The following FKBP5 variants were observed in gnomAD, a reference collection of about 807,000 sequenced individuals.
FKBP5 encodes FKBP prolyl isomerase 5, also known as peptidyl-prolyl cis-trans isomerase FKBP5.
FKBP5 carries 23 observed loss-of-function variants against 50.5 expected under a neutral mutation model. That is an observed-to-expected ratio of 0.46 (90% CI 0.33 to 0.65). The LOEUF is 0.65. Ranked by LOEUF, FKBP5 falls within the 30% of genes least tolerant of loss-of-function variation. The pLI is 0.02. For missense variants in FKBP5, 411 were observed against 553.1 expected (o/e 0.74, Z 2.58); for synonymous variants, 176 against 190.6 (o/e 0.92, Z 0.63).
chr6:35,588,295 G>A (rs186210676), intron 7 of FKBP5, among the ~76,000 whole-genome samples: 42 of 152,172 alleles, frequency 2.8e-4, no homozygotes, highest in African/African-American at 9.4e-4. Context: ...GATTACAGGC[G>A]TGAGCTACCG....
chr6:35,712,797 A>C (rs1766437250), intron 2 of FKBP5, among the ~76,000 whole-genome samples: 1 of 152,172 alleles, frequency 6.6e-6, no homozygotes, highest in Non-Finnish European at 1.5e-5. Flanking sequence ...GATGGCAGGA[A>C]CTGGGCTGAC....
chr6:35,708,250 C>T (rs552313778), intron 2 of FKBP5, among the ~76,000 whole-genome samples: 6 of 152,214 alleles, frequency 3.9e-5, no homozygotes, highest in Admixed American at 6.5e-5. Flanking sequence ...ATGGTACATT[C>T]GTACAATGGA....
intron 2 of FKBP5, among the ~76,000 whole-genome samples, chr6:35,639,955 T>TCTCCTTAAATAACTATTTCACATTAA (rs1764431031): frequency 6.6e-6 from 1 of 152,216 alleles, no homozygotes; most frequent in African/African-American, 2.4e-5. Flanking sequence ...AATAACTATT[T>TCTCCTTAAATAACTATTTCACATTAA]AATGTGACTA....
intron 1 of FKBP5, among the ~76,000 whole-genome samples, chr6:35,679,351 T>C (rs1407867636): frequency 2.0e-5 from 3 of 152,238 alleles, no homozygotes; most frequent in Non-Finnish European, 4.4e-5. Context: ...GTTTTCTTCA[T>C]TCTCGACTGA....
intron 1 of FKBP5, among the ~76,000 whole-genome samples, chr6:35,647,635 G>C (rs557497188): frequency 4.1e-4 from 62 of 152,346 alleles, no homozygotes; most frequent in Admixed American, 3.7e-3. Flanking sequence ...GCAGGAGTGA[G>C]CTAGGGGAAT....
intron 5 of FKBP5, among the ~76,000 whole-genome samples, chr6:35,616,084 G>A (rs1376414278): frequency 6.6e-6 from 1 of 152,066 alleles, no homozygotes; most frequent in Non-Finnish European, 1.5e-5. Flanking sequence ...AGGCTGAGGC[G>A]GGTGTATCAC....
At chr6:35,686,946 T>C (rs1765843530) in intron 1 of FKBP5, among the ~76,000 whole-genome samples, 1 of 152,164 alleles carries the variant, frequency 6.6e-6, no homozygotes, top group African/African-American at 2.4e-5. Flanking sequence ...TATGGAGAAA[T>C]AAAACAATAA....
At chr6:35,585,567 G>A (rs73746492) in intron 8 of FKBP5, 24,704 of 984,740 alleles carry the variant, frequency 0.025, 411 homozygotes, top group African/African-American at 0.073. Flanking sequence ...TCCCAATTCT[G>A]AGCTTATTCT....
chr6:35,615,602 TATAA>T lies in FKBP5; in HGVS notation c.508+3490_508+3493del, dbSNP rs374912319. On this transcript the variant is annotated intron_variant, in intron 5 of 10. Transcript: ENST00000357266. ...ATAAATATACACAGATCCATAATGA[TATAA>T]ATAAACTGAATAAATATACAGTAGG... Among the ~76,000 whole-genome samples the T allele has an allele frequency of 2.4e-4, 37 of 152,306 alleles. No homozygotes were observed. In the East Asian group the frequency reaches 5.8e-3, roughly 24 times the overall value.
chr6:35,728,092 C>G (rs1019415695), intron 1 of FKBP5, among the ~76,000 whole-genome samples: 3 of 152,196 alleles, frequency 2.0e-5, no homozygotes, highest in Admixed American at 6.5e-5. Context: ...CGCCTGGGCC[C>G]GCTGCCAGCG....
chr6:35,687,672 C>A (rs186127343), intron 1 of FKBP5, among the ~76,000 whole-genome samples: 23 of 152,344 alleles, frequency 1.5e-4, no homozygotes, highest in African/African-American at 5.0e-4. Context: ...CCTTATTCCA[C>A]TGGAAAACAT....
intron 5 of FKBP5, among the ~76,000 whole-genome samples, chr6:35,614,418 C>T (rs916391660): frequency 4.6e-5 from 7 of 151,776 alleles, no homozygotes; most frequent in East Asian, 3.9e-4. Flanking sequence ...CAAAATAAAA[C>T]GAATAATTAA....
intron 1 of FKBP5, among the ~76,000 whole-genome samples, chr6:35,727,123 G>A (rs962124926): frequency 6.6e-6 from 1 of 152,170 alleles, no homozygotes; most frequent in Non-Finnish European, 1.5e-5. Flanking sequence ...CATGAGAAAT[G>A]GCACAGCAAA....
At chr6:35,713,787 C>G (rs907608400) in intron 2 of FKBP5, among the ~76,000 whole-genome samples, 1 of 152,220 alleles carries the variant, frequency 6.6e-6, no homozygotes, top group African/African-American at 2.4e-5. Flanking sequence ...CCTCTCCGGA[C>G]TCACACCCTC....
intron 7 of FKBP5, among the ~76,000 whole-genome samples, chr6:35,590,413 G>A (rs956226405): frequency 1.3e-5 from 2 of 152,176 alleles, no homozygotes; most frequent in African/African-American, 4.8e-5. Flanking sequence ...GGAAATGCCA[G>A]GGGCACGTGG....
intron 10 of FKBP5, among the ~76,000 whole-genome samples, chr6:35,576,252 T>C (rs1023052821): frequency 6.6e-5 from 10 of 152,138 alleles, no homozygotes; most frequent in African/African-American, 2.4e-4. Context: ...CTGCCACATT[T>C]TTCAGGCTGG....
chr6:35,601,041 T>C (rs957596454), intron 5 of FKBP5, among the ~76,000 whole-genome samples: 4 of 152,212 alleles, frequency 2.6e-5, no homozygotes, highest in African/African-American at 9.6e-5. Flanking sequence ...TTGTAGCTAG[T>C]CTTCTCAGAG....
In FKBP5 at chr6:35,597,363, T is replaced by C. The variant is rs1164934520; in HGVS notation, c.550A>G (p.Arg184Gly). ...GRCGGRMFDC[R>G]DVAFTVGEGE... ...TCGCCCACAGTGAATGCCACATCTC[T>C]GCAGTCAAACATCCTTCCACCACAG... Residue 184 changes from arginine (R) to glycine (G), a missense_variant, in exon 6 of 11, where the codon AGA becomes GGA. Coordinates refer to ENST00000357266, the MANE Select transcript of FKBP5 (RefSeq NM_004117.4). The C allele has an allele frequency of 8.1e-6, 13 of 1,614,178 alleles. No individual in the cohort carries two copies. Among genetic ancestry groups the C allele is most frequent in the Non-Finnish European group, 1.1e-5 (13 of 1,180,018 alleles).
intron 1 of FKBP5, among the ~76,000 whole-genome samples, chr6:35,657,139 C>T (rs1183216080): frequency 2.6e-5 from 4 of 151,994 alleles, no homozygotes; most frequent in South Asian, 2.1e-4. Context: ...GGCGTGAACC[C>T]GGGAGGCGGA....
Sources: gnomAD v4.1 joint callset for allele counts (sites outside exome capture counted in the v4.1 genomes callset) on GRCh38, gnomAD v4.1.1 for gene constraint, MANE v1.5 for transcripts, NCBI Gene and HGNC (gene_info 2026-07-23, HGNC 2026-07-21) for gene names.